The following RPS6KC1 variants were observed in gnomAD, a reference collection of about 807,000 sequenced individuals.
RPS6KC1 encodes the protein inactive ribosomal protein S6 kinase delta-1.
RPS6KC1 carries 54 observed loss-of-function variants against 103.8 expected under a neutral mutation model. That is an observed-to-expected ratio of 0.52 (90% CI 0.42 to 0.65). The LOEUF (loss-of-function observed/expected upper bound fraction) is 0.65, where lower values mean the gene tolerates loss of function less well. Ranked by LOEUF, RPS6KC1 falls within the 30% of genes least tolerant of loss-of-function variation. The pLI is 0.00. For synonymous variants in RPS6KC1, 439 were observed against 438.7 expected (o/e 1.00, Z -0.01); for missense variants, 1,151 against 1,253.8 (o/e 0.92, Z 1.24).
chr1:213,246,588 T>C (rs2094457692), intron 12 of RPS6KC1, among the ~76,000 whole-genome samples: 2 of 152,332 alleles, frequency 1.3e-5, no homozygotes, highest in East Asian at 3.9e-4. Context: ...TTATGTGCTT[T>C]ATCATTTGAT....
the RPS6KC1 span, among the ~76,000 whole-genome samples, chr1:213,472,939 C>G: frequency 2.6e-5 from 4 of 152,194 alleles, no homozygotes; most frequent in African/African-American, 9.6e-5. Flanking sequence ...AGGTAAACAT[C>G]CCCTTGAATG....
At chr1:213,546,675 G>A in the RPS6KC1 span, among the ~76,000 whole-genome samples, 1 of 152,044 alleles carries the variant, frequency 6.6e-6, no homozygotes, top group African/African-American at 2.4e-5. Flanking sequence ...AAAATTAATA[G>A]GCCTAATTTT....
the RPS6KC1 span, among the ~76,000 whole-genome samples, chr1:213,573,984 G>A: frequency 2.8e-4 from 42 of 152,336 alleles, no homozygotes; most frequent in East Asian, 7.9e-3. Context: ...GATAGTCCCA[G>A]GTGGCCAGTG....
chr1:213,626,900 G>C, the RPS6KC1 span, among the ~76,000 whole-genome samples: 2 of 152,122 alleles, frequency 1.3e-5, no homozygotes, highest in Non-Finnish European at 2.9e-5. Context: ...GATTGATTGG[G>C]CGATGCGGGC....
the RPS6KC1 span, among the ~76,000 whole-genome samples, chr1:213,316,783 C>T: frequency 1.3e-4 from 20 of 151,706 alleles, no homozygotes; most frequent in African/African-American, 4.1e-4. Flanking sequence ...TTGAGGGGGC[C>T]TCATTAATAA....
intron 6 of RPS6KC1, among the ~76,000 whole-genome samples, chr1:213,142,013 T>G (rs1416051507): frequency 6.6e-6 from 1 of 152,068 alleles, no homozygotes; most frequent in Non-Finnish European, 1.5e-5. Flanking sequence ...CTAAGTCTCT[T>G]TATAGGTCTC....
chr1:213,825,680 G>A, the RPS6KC1 span, among the ~76,000 whole-genome samples: 2 of 152,134 alleles, frequency 1.3e-5, no homozygotes, highest in African/African-American at 4.8e-5. Context: ...AGTGAACTTC[G>A]AGATTTTCAG....
At chr1:213,170,089 C>T (rs920671357) in intron 7 of RPS6KC1, among the ~76,000 whole-genome samples, 1 of 152,090 alleles carries the variant, frequency 6.6e-6, no homozygotes, top group South Asian at 2.1e-4. Context: ...GGCCAGTATT[C>T]TAAAAGTTTT....
the RPS6KC1 span, among the ~76,000 whole-genome samples, chr1:213,624,965 G>GTTAT: frequency 6.6e-6 from 1 of 152,070 alleles, no homozygotes; most frequent in African/African-American, 2.4e-5. Context: ...CCTCTTAAAA[G>GTTAT]TTATTTATTT....
At chr1:213,378,047 G>A in the RPS6KC1 span, among the ~76,000 whole-genome samples, 1 of 152,226 alleles carries the variant, frequency 6.6e-6, no homozygotes, top group African/African-American at 2.4e-5. Flanking sequence ...CCCAGCTCCT[G>A]TTAGGGCAGC....
chr1:213,491,756 G>A, the RPS6KC1 span, among the ~76,000 whole-genome samples: 1 of 152,140 alleles, frequency 6.6e-6, no homozygotes, highest in African/African-American at 2.4e-5. Flanking sequence ...TCTGAGTTAG[G>A]AAATTTAAGA....
At chr1:213,339,828 C>T in the RPS6KC1 span, among the ~76,000 whole-genome samples, 3 of 152,208 alleles carry the variant, frequency 2.0e-5, no homozygotes, top group Non-Finnish European at 4.4e-5. Context: ...GGCAGGTTAG[C>T]CCTGAGGGCA....
At chr1:213,522,335 C>G in the RPS6KC1 span, among the ~76,000 whole-genome samples, 2 of 152,200 alleles carry the variant, frequency 1.3e-5, no homozygotes, top group African/African-American at 4.8e-5. Flanking sequence ...GTGCTGTCAT[C>G]TAGTCTTTGT....
the RPS6KC1 span, among the ~76,000 whole-genome samples, chr1:213,656,737 A>T: frequency 6.6e-6 from 1 of 152,214 alleles, no homozygotes; most frequent in Non-Finnish European, 1.5e-5. Context: ...AGCAAAAAGG[A>T]ATCTTTTTTC....
chr1:213,425,927 GC>G, the RPS6KC1 span, among the ~76,000 whole-genome samples: 2 of 152,164 alleles, frequency 1.3e-5, no homozygotes, highest in African/African-American at 4.8e-5. Flanking sequence ...TGCAGGAGAC[GC>G]TTGGGTTGAG....
the RPS6KC1 span, among the ~76,000 whole-genome samples, chr1:213,532,521 G>A: frequency 1.3e-5 from 2 of 152,200 alleles, no homozygotes; most frequent in African/African-American, 4.8e-5. Context: ...AGAAGGACAA[G>A]AAAGGATCCT....
the RPS6KC1 span, among the ~76,000 whole-genome samples, chr1:213,671,398 G>A: frequency 6.6e-6 from 1 of 152,126 alleles, no homozygotes. Flanking sequence ...ACGGGGAGAT[G>A]TTGGTCAGTG....
the RPS6KC1 span, among the ~76,000 whole-genome samples, chr1:213,361,362 C>T: frequency 1.3e-5 from 2 of 152,248 alleles, no homozygotes; most frequent in African/African-American, 2.4e-5. Context: ...GAACCAGGAG[C>T]GGGATATAAT....
At chr1:213,167,429 C>G (rs934057646) in intron 6 of RPS6KC1, among the ~76,000 whole-genome samples, 2 of 125,588 alleles carry the variant, frequency 1.6e-5, no homozygotes, top group Admixed American at 9.0e-5. Context: ...AGAAAAAAAC[C>G]AAGGTTGAAA....
Sources: allele counts gnomAD v4.1 joint callset (sites outside exome capture counted in the v4.1 genomes callset), GRCh38; gene constraint gnomAD v4.1.1; transcripts MANE v1.5; gene names NCBI Gene and HGNC (gene_info 2026-07-23, HGNC 2026-07-21).